The following GPR157 variants were observed in gnomAD, a reference collection of about 807,000 sequenced individuals.
GPR157 encodes G-protein coupled receptor 157.
A neutral mutation model predicts 23.5 loss-of-function variants in GPR157; 16 were observed. That is an observed-to-expected ratio of 0.68 (90% CI 0.46 to 1.04). The LOEUF is 1.04. GPR157 is among the 50% of genes least tolerant of loss of function. The probability of loss-of-function intolerance (pLI) is 0.00; values close to 1 mark genes in which losing one functional copy is unlikely to be tolerated. For synonymous variants in GPR157, 200 were observed against 221.5 expected (o/e 0.90, Z 0.86); for missense variants, 440 against 460.7 (o/e 0.96, Z 0.41).
At chr1:9,122,966 G>C (rs1023821513) in intron 1 of GPR157, among the ~76,000 whole-genome samples, 14 of 151,626 alleles carry the variant, frequency 9.2e-5, no homozygotes, top group African/African-American at 3.4e-4. Flanking sequence ...AGATCAGCCT[G>C]AGCAACACGG....
At chr1:9,125,013 C>A (rs1038748754) in intron 1 of GPR157, among the ~76,000 whole-genome samples, 1 of 152,086 alleles carries the variant, frequency 6.6e-6, no homozygotes, top group Admixed American at 6.6e-5. Context: ...GGGCGACCCC[C>A]CTGTTGGACC....
chr1:9,123,170 A>AT (rs1246901059), intron 1 of GPR157, among the ~76,000 whole-genome samples: 20 of 127,230 alleles, frequency 1.6e-4, no homozygotes, highest in South Asian at 2.4e-4. Flanking sequence ...TGGGAAAAAA[A>AT]AAAAATATAT....
At chr1:9,125,359 G>A (rs1444039722) in intron 1 of GPR157, among the ~76,000 whole-genome samples, 1 of 152,032 alleles carries the variant, frequency 6.6e-6, no homozygotes, top group Non-Finnish European at 1.5e-5. Flanking sequence ...GATTACAGGT[G>A]TGAGCTACCA....
At position 9,100,651 on chromosome 1, in the gene GPR157, C is replaced by T. The variant is rs1642556243; in HGVS notation, c.*3768G>A. ...TGAGCTGCGGACACCGTTCCGGCTGCAGTACGTGTTATGGCTGAGGTTACA... is the reference window on the plus strand; with the variant it reads ...TGAGCTGCGGACACCGTTCCGGCTGTAGTACGTGTTATGGCTGAGGTTACA... On this transcript the variant is annotated 3_prime_UTR_variant, in exon 4 of 4. Coordinates refer to ENST00000377411, the MANE Select transcript of GPR157 (RefSeq NM_024980.5). 2.0e-5 allele frequency: 3 copies of T among 152,242 alleles called. No homozygotes were observed. The highest frequency in any genetic ancestry group is 4.1e-4 in the South Asian group (2 of 4,832). The allele number at this position is 152,242 out of a possible 1,614,324, so 9.4% of individuals were successfully genotyped here. A position where few individuals can be genotyped will look rare whatever the true frequency, so the allele number is the denominator to read the frequency against.
At position 9,105,784 on chromosome 1, in the gene GPR157, G is replaced by A; in HGVS notation, c.598-104C>T. 4.2e-6 allele frequency: 4 copies of A among 946,968 alleles called. No individual in the cohort carries two copies. The highest frequency in any genetic ancestry group is 1.6e-5 in the African/African-American group (1 of 61,624). The allele number at this position is 946,968 out of a possible 1,614,324, so 58.7% of individuals were successfully genotyped here. ...CAGGGACTTGAACTAGCTCAGGGAG[G>A]TAGGGGAGATGTGTGGTGGAGCCCG... On this transcript the variant is annotated intron_variant, in intron 2 of 3. Transcript: ENST00000377411. This position sits in a 1 kb window ranked among gnomAD's most constrained non-coding sequence, Gnocchi z 4.8.
intron 1 of GPR157, among the ~76,000 whole-genome samples, chr1:9,113,422 T>C (rs148575825): frequency 6.6e-6 from 1 of 152,134 alleles, no homozygotes; most frequent in African/African-American, 2.4e-5. Context: ...CAGGCAGGGA[T>C]GAGGATGGAA....
intron 1 of GPR157, among the ~76,000 whole-genome samples, chr1:9,114,893 C>A (rs1385719380): frequency 7.1e-6 from 1 of 141,172 alleles, no homozygotes; most frequent in African/African-American, 2.7e-5. Flanking sequence ...TGCACTTCAG[C>A]CTGGGTGACA....
intron 1 of GPR157, among the ~76,000 whole-genome samples, chr1:9,123,859 T>G (rs1353841928): frequency 7.6e-6 from 1 of 130,810 alleles, no homozygotes; most frequent in Non-Finnish European, 1.7e-5. Context: ...GATAGGGTCT[T>G]GCTCTGTCAC....
chr1:9,116,557 A>G (rs1476653108), intron 1 of GPR157, among the ~76,000 whole-genome samples: 1 of 145,930 alleles, frequency 6.9e-6, no homozygotes, highest in African/African-American at 2.5e-5. Flanking sequence ...CCTGACCAAC[A>G]TGGTGAAACC....
chr1:9,119,628 C>A (rs1479375596), intron 1 of GPR157, among the ~76,000 whole-genome samples: 9 of 152,178 alleles, frequency 5.9e-5, no homozygotes, highest in Non-Finnish European at 1.3e-4. Context: ...GCAGGCGGTA[C>A]TATCCCAGCT....
At chr1:9,109,540 G>C (rs1166852453) in intron 2 of GPR157, among the ~76,000 whole-genome samples, 1 of 151,916 alleles carries the variant, frequency 6.6e-6, no homozygotes, top group Non-Finnish European at 1.5e-5. Context: ...CTACAGGTGT[G>C]TGCCACCACA....
chr1:9,109,726 C>T (rs1638433964), intron 2 of GPR157, among the ~76,000 whole-genome samples: 2 of 152,162 alleles, frequency 1.3e-5, no homozygotes, highest in African/African-American at 4.8e-5. Context: ...TGGGAAGTCC[C>T]ACAGCCATCT....
rs1243819967 is a variant in GPR157, at chr1:9,100,730, G to A, written c.*3689C>T. The A allele has an allele frequency of 6.6e-6, 1 of 152,298 alleles. No individual in the cohort carries two copies. The highest frequency in any genetic ancestry group is 1.9e-4 in the East Asian group (1 of 5,198). 9.4% of individuals were successfully genotyped at this position (152,298 alleles called of 1,614,324 possible). On this transcript the variant is annotated 3_prime_UTR_variant, in exon 4 of 4. Transcript: ENST00000377411. ...GAACATTAACCACACTAACAGAGGA[G>A]AAAGAAGCCCACTGGGGCTGTGCAA...
chr1:9,120,410 A>ACT lies in GPR157; in HGVS notation c.383+8234_383+8235insAG, dbSNP rs534825601. ...CCTGGGGATGTTAACATAACTCAGA[A>ACT]AACGCTTTGAGAACCAAACTCTTGT... On this transcript the variant is annotated intron_variant, in intron 1 of 3. Coordinates refer to ENST00000377411, the MANE Select transcript of GPR157 (RefSeq NM_024980.5). The surrounding 1 kb of genome is among the most constrained non-coding windows in gnomAD (Gnocchi z 4.1). Among the ~76,000 whole-genome samples, 21 of 152,328 alleles carry ACT rather than the reference A, an allele frequency of 1.4e-4. No homozygotes were observed. The East Asian group carries it at 3.1e-3, about 22-fold the overall frequency.
At chr1:9,123,239 TATTAA>T (rs1173225960) in intron 1 of GPR157, among the ~76,000 whole-genome samples, 3 of 58,272 alleles carry the variant, frequency 5.1e-5, no homozygotes, top group African/African-American at 3.2e-4. Flanking sequence ...TTTAAATATA[TATTAA>T]TTTAAATATA....
Position 9,129,028 on chromosome 1 carries a change from G to C in GPR157, c.-1C>G. On this transcript the variant is annotated 5_prime_UTR_variant, in exon 1 of 4. Coordinates refer to ENST00000377411, the MANE Select transcript of GPR157 (RefSeq NM_024980.5). ...CGGTGGGCGGCGGGGACGGCTGCAT[G>C]GCGTGGGGGGCCAGGAGCCGGAGCG... The C allele has an allele frequency of 7.9e-7, 1 of 1,270,376 alleles. No individual in the cohort carries two copies. The highest frequency in any genetic ancestry group is 9.9e-7 in the Non-Finnish European group (1 of 1,011,010). The allele number at this position is 1,270,376 out of a possible 1,614,324, so 78.7% of individuals were successfully genotyped here.
intron 1 of GPR157, among the ~76,000 whole-genome samples, chr1:9,115,256 A>C (rs1202344477): frequency 1.3e-5 from 2 of 152,238 alleles, no homozygotes; most frequent in African/African-American, 4.8e-5. Flanking sequence ...ATATAAATGT[A>C]TAAATTTCAC....
rs1365082955 is a variant in GPR157 at position 9,103,118 on chromosome 1, A to AC, written c.*1300_*1301insG. On this transcript the variant is annotated 3_prime_UTR_variant, in exon 4 of 4. Transcript: ENST00000377411. ...GGCTCCTTTTTTAAAAAAAAAAAAAAAAAAAAACTGACTCTGAAGCTTAAA... is the reference window on the plus strand; with the variant it reads ...GGCTCCTTTTTTAAAAAAAAAAAAAACAAAAAAACTGACTCTGAAGCTTAAA... 52 of 151,420 alleles carry AC rather than the reference A, an allele frequency of 3.4e-4. No individual in the cohort carries two copies. The highest frequency in any genetic ancestry group is 1.3e-3 in the African/African-American group (52 of 41,320). 9.4% of individuals were successfully genotyped at this position (151,420 alleles called of 1,614,324 possible).
At chr1:9,121,814 CG>C (rs779509087) in intron 1 of GPR157, among the ~76,000 whole-genome samples, 85 of 152,202 alleles carry the variant, frequency 5.6e-4, no homozygotes, top group South Asian at 8.3e-4. Context: ...GGTGGATGAA[CG>C]TGTGTGTGAG....
Sources: gnomAD v4.1 joint callset for allele counts (sites outside exome capture counted in the v4.1 genomes callset) on GRCh38, gnomAD v4.1.1 for gene constraint, Gnocchi (gnomAD v3.1) non-coding constraint, MANE v1.5 for transcripts, NCBI Gene and HGNC (gene_info 2026-07-23, HGNC 2026-07-21) for gene names.